Variants in GLIS3 observed in about 807,000 individuals in gnomAD.
GLIS3 encodes GLIS family zinc finger 3, also known as zinc finger protein GLIS3.
A neutral mutation model predicts 78.6 loss-of-function variants in GLIS3; 53 were observed. The observed-to-expected ratio is 0.67, with a 90% CI of 0.54 to 0.85. The LOEUF (loss-of-function observed/expected upper bound fraction) is 0.85. Among genes scored for constraint, GLIS3 ranks in the 40% least tolerant of loss-of-function variants. The pLI is 0.00. For missense variants in GLIS3, 1,703 were observed against 1,231.1 expected (o/e 1.38, Z -5.74); for synonymous variants, 684 against 509.9 (o/e 1.34, Z -4.60).
At chr9:4,258,736 G>C (rs1002599378) in intron 2 of GLIS3, among the ~76,000 whole-genome samples, 5 of 152,044 alleles carry the variant, frequency 3.3e-5, no homozygotes, top group Admixed American at 3.3e-4. Flanking sequence ...TTATTGATTT[G>C]TTTTATTAAT....
chr9:4,059,829 T>TGTGTGTGTGTGAGAGAGAGAGA, intron 4 of GLIS3, among the ~76,000 whole-genome samples: 32 of 100,710 alleles, frequency 3.2e-4, no homozygotes, highest in East Asian at 6.6e-4. Context: ...TGTGTGTGTG[T>TGTGTGTGTGTGAGAGAGAGAGA]GAGAGAGAGA....
At chr9:4,340,656 C>T (rs555820535) in intron 2 of GLIS3, among the ~76,000 whole-genome samples, 8 of 152,084 alleles carry the variant, frequency 5.3e-5, no homozygotes, top group African/African-American at 1.7e-4. Flanking sequence ...ACCTGGAGAC[C>T]GTTGTCGGAA....
At chr9:4,246,738 T>A (rs888745736) in intron 2 of GLIS3, among the ~76,000 whole-genome samples, 1 of 152,198 alleles carries the variant, frequency 6.6e-6, no homozygotes, top group African/African-American at 2.4e-5. Context: ...AAAACAAAAC[T>A]GCATGTGGCC....
chr9:4,454,668 A>G, the GLIS3 span, among the ~76,000 whole-genome samples: 2 of 152,278 alleles, frequency 1.3e-5, no homozygotes, highest in African/African-American at 4.8e-5. Flanking sequence ...TGTTTTGAAG[A>G]GCTACTCTCC....
intron 4 of GLIS3, among the ~76,000 whole-genome samples, chr9:3,947,258 T>G (rs1009929713): frequency 6.6e-6 from 1 of 152,248 alleles, no homozygotes; most frequent in Non-Finnish European, 1.5e-5. Flanking sequence ...TATTAAGAAT[T>G]GGCTTGCTTG....
Position 4,297,253 on chromosome 9 carries a change from C to T in GLIS3, c.-99+2168G>A, listed in dbSNP as rs191415224. 1.9e-3 allele frequency among the ~76,000 whole-genome samples: 283 copies of T among 152,282 alleles called. 4 individuals carry two copies. The highest frequency in any genetic ancestry group is 2.9e-3 in the Admixed American group (44 of 15,300). On this transcript the variant is annotated intron_variant, in intron 1 of 10. Coordinates refer to ENST00000381971, the MANE Select transcript of GLIS3 (RefSeq NM_001042413.2). ...AGCTTTCAGAGGGGACAGAACCAGACTTTGCATTTGTCTTGAGGTCATCTT... is the reference window on the plus strand; with the variant it reads ...AGCTTTCAGAGGGGACAGAACCAGATTTTGCATTTGTCTTGAGGTCATCTT...
chr9:4,217,772 C>A (rs1820984390), intron 2 of GLIS3, among the ~76,000 whole-genome samples: 1 of 152,152 alleles, frequency 6.6e-6, no homozygotes, highest in Non-Finnish European at 1.5e-5. Context: ...AGGTCACTTT[C>A]AGCTGGCATC....
In GLIS3 at chr9:3,867,200, G is replaced by A. The variant is rs557649609; in HGVS notation, c.2298-11016C>T. Among the ~76,000 whole-genome samples the A allele has an allele frequency of 2.0e-5, 3 of 152,322 alleles. No individual in the cohort carries two copies. In the South Asian group the frequency reaches 6.2e-4, roughly 32 times the overall value. On this transcript the variant is annotated intron_variant, in intron 8 of 10. Coordinates refer to ENST00000381971, the MANE Select transcript of GLIS3 (RefSeq NM_001042413.2). Reference sequence around the variant, plus strand: ...AAAATTATGTTCATAAAAGTAGATAGGTCGGGGAAGCCAGTTTAGCAATGT... The same window carrying A: ...AAAATTATGTTCATAAAAGTAGATAAGTCGGGGAAGCCAGTTTAGCAATGT...
chr9:4,322,183 C>T (rs10758604), intron 2 of GLIS3, among the ~76,000 whole-genome samples: 30,681 of 151,962 alleles, frequency 0.2, 3,275 homozygotes, highest in East Asian at 0.36. Context: ...CCAGCTTCAT[C>T]CATGTCCCTA....
chr9:4,476,969 G>A, the GLIS3 span, among the ~76,000 whole-genome samples: 5 of 152,114 alleles, frequency 3.3e-5, no homozygotes, highest in Non-Finnish European at 7.4e-5. Context: ...CTGGTGGGAT[G>A]TAAGATGGTA....
intron 4 of GLIS3, among the ~76,000 whole-genome samples, chr9:4,009,803 T>G (rs904438288): frequency 6.6e-6 from 1 of 152,162 alleles, no homozygotes; most frequent in Non-Finnish European, 1.5e-5. Flanking sequence ...CAGGTCCACG[T>G]GGATTCACTG....
intron 2 of GLIS3, among the ~76,000 whole-genome samples, chr9:4,158,417 A>C (rs986036957): frequency 6.6e-5 from 10 of 152,300 alleles, no homozygotes; most frequent in African/African-American, 2.4e-4. Flanking sequence ...TACCACGATG[A>C]AGTGGGTCAG....
At chr9:3,867,894 G>C (rs986513030) in intron 8 of GLIS3, among the ~76,000 whole-genome samples, 1 of 152,108 alleles carries the variant, frequency 6.6e-6, no homozygotes, top group African/African-American at 2.4e-5. Context: ...TGCTAAATGA[G>C]GATAATGGCT....
chr9:4,379,319 G>GGAA, the GLIS3 span, among the ~76,000 whole-genome samples: 1 of 152,160 alleles, frequency 6.6e-6, no homozygotes, highest in Non-Finnish European at 1.5e-5. Flanking sequence ...AGGTTAATAG[G>GGAA]GGTTTGGCAA....
chr9:4,112,660 A>C (rs1831315363), intron 4 of GLIS3, among the ~76,000 whole-genome samples: 1 of 152,228 alleles, frequency 6.6e-6, no homozygotes, highest in African/African-American at 2.4e-5. Context: ...AGTCGTGGAA[A>C]GATCAATTTC....
intron 2 of GLIS3, among the ~76,000 whole-genome samples, chr9:4,269,562 G>A (rs73382379): frequency 0.051 from 7,698 of 152,208 alleles, 334 homozygotes; most frequent in Admixed American, 0.1. Flanking sequence ...AATTTTACCT[G>A]ATTTCATATT....
At chr9:4,394,854 G>C in the GLIS3 span, among the ~76,000 whole-genome samples, 2 of 152,138 alleles carry the variant, frequency 1.3e-5, no homozygotes, top group African/African-American at 2.4e-5. Flanking sequence ...ATATAGCCTT[G>C]TCTAACTATT....
chr9:4,236,204 A>AAAAAAAAAAAG (rs536737911), intron 2 of GLIS3, among the ~76,000 whole-genome samples: 411 of 86,348 alleles, frequency 4.8e-3, no homozygotes, highest in East Asian at 6.4e-3. Context: ...AAAAAAAAAA[A>AAAAAAAAAAAG]AAAGAAAGAA....
intron 4 of GLIS3, among the ~76,000 whole-genome samples, chr9:4,074,130 T>C (rs1827855498): frequency 6.6e-6 from 1 of 152,188 alleles, no homozygotes; most frequent in Admixed American, 6.5e-5. Context: ...AGTCACAAGT[T>C]AGTCTTCTTG....
Sources: gnomAD v4.1 joint callset for allele counts (sites outside exome capture counted in the v4.1 genomes callset) on GRCh38, gnomAD v4.1.1 for gene constraint, MANE v1.5 for transcripts, NCBI Gene and HGNC (gene_info 2026-07-23, HGNC 2026-07-21) for gene names.